The following PTPRD variants were observed in gnomAD, a reference collection of about 807,000 sequenced individuals.
PTPRD encodes the protein protein tyrosine phosphatase receptor type D, also known as receptor-type tyrosine-protein phosphatase delta.
A neutral mutation model predicts 214.5 loss-of-function variants in PTPRD; 34 were observed. That is an observed-to-expected ratio of 0.16 (90% CI 0.12 to 0.21). PTPRD has a LOEUF of 0.21. Among genes scored for constraint, PTPRD ranks in the 10% least tolerant of loss-of-function variants. The probability of loss-of-function intolerance (pLI) is 1.00; values close to 1 mark genes in which losing one functional copy is unlikely to be tolerated. For missense variants in PTPRD, 2,545 were observed against 2,398.7 expected (o/e 1.06, Z -1.27); for synonymous variants, 1,128 against 845.7 (o/e 1.33, Z -5.79).
At chr9:10,002,553 A>C (rs528426355) in intron 4 of PTPRD, among the ~76,000 whole-genome samples, 13 of 151,456 alleles carry the variant, frequency 8.6e-5, no homozygotes, top group African/African-American at 3.1e-4. Flanking sequence ...ACTATCAGAC[A>C]AAATAGACTT....
At chr9:9,523,617 G>C (rs2097047612) in intron 8 of PTPRD, among the ~76,000 whole-genome samples, 1 of 151,900 alleles carries the variant, frequency 6.6e-6, no homozygotes, top group Non-Finnish European at 1.5e-5. Context: ...CCTTGTTAAA[G>C]TCCTTGACTT....
At chr9:9,284,027 A>C (rs1252360253) in intron 9 of PTPRD, among the ~76,000 whole-genome samples, 2 of 151,714 alleles carry the variant, frequency 1.3e-5, no homozygotes, top group Non-Finnish European at 3.0e-5. Context: ...GTCCTAGTAG[A>C]TTCCTTGGTA....
intron 39 of PTPRD, among the ~76,000 whole-genome samples, chr9:8,371,823 G>A (rs1450304838): frequency 6.6e-6 from 1 of 152,046 alleles, no homozygotes; most frequent in Non-Finnish European, 1.5e-5. Flanking sequence ...TGAAATTCTA[G>A]ACCAGATAAA....
chr9:9,437,998 G>A lies in PTPRD; in HGVS notation c.-236-40516C>T, dbSNP rs1459340638. On this transcript the variant is annotated intron_variant, in intron 8 of 45. Transcript: ENST00000381196. ...TGGTTCCTTGCGAGGCCTGTGAAGA[G>A]AGGGTCTGTTCTAGGCCTTTCTCCT... is the stretch of plus-strand genomic sequence containing the variant. 7.9e-5 allele frequency among the ~76,000 whole-genome samples: 12 copies of A among 152,316 alleles called. No homozygotes were observed. The East Asian group carries it at 2.3e-3, about 29-fold the overall frequency.
chr9:8,354,982 G>A (rs2076599769), intron 39 of PTPRD, among the ~76,000 whole-genome samples: 1 of 152,084 alleles, frequency 6.6e-6, no homozygotes, highest in African/African-American at 2.4e-5. Context: ...GCCAAAATAG[G>A]TCTTTGTGAA....
intron 9 of PTPRD, among the ~76,000 whole-genome samples, chr9:9,333,526 A>ATATATATATATATATATAT (rs1569567452): frequency 3.5e-5 from 5 of 142,646 alleles, no homozygotes; most frequent in African/African-American, 1.4e-4. Flanking sequence ...ATATATATAT[A>ATATATATATATATATATAT]AAGTCTGCAA....
chr9:9,417,891 G>A (rs941229221), intron 8 of PTPRD, among the ~76,000 whole-genome samples: 2 of 151,914 alleles, frequency 1.3e-5, no homozygotes, highest in African/African-American at 2.4e-5. Context: ...ATTTCATACT[G>A]GAAAAGGCAA....
intron 3 of PTPRD, among the ~76,000 whole-genome samples, chr9:10,180,897 G>C (rs1027736180): frequency 6.6e-6 from 1 of 151,600 alleles, no homozygotes. Context: ...TCAGAAAATT[G>C]GATTAGAATT....
chr9:9,731,228 T>C lies in PTPRD; in HGVS notation c.-287+3305A>G, dbSNP rs57363324. Reference sequence around the variant, plus strand: ...ATATCATAATTTAATGGAGTATTTTTAATGTATTTAATTTGGAATCTAAGT... The same window carrying C: ...ATATCATAATTTAATGGAGTATTTTCAATGTATTTAATTTGGAATCTAAGT... On this transcript the variant is annotated intron_variant, in intron 7 of 45. Coordinates refer to ENST00000381196, the MANE Select transcript of PTPRD (RefSeq NM_002839.4). Among the ~76,000 whole-genome samples the C allele has an allele frequency of 9.3e-3, 1,421 of 152,292 alleles. 21 individuals are homozygous for C. The highest frequency in any genetic ancestry group is 0.031 in the African/African-American group (1,303 of 41,570).
At position 8,315,605 on chromosome 9, in the gene PTPRD, T is replaced by A. The variant is rs1162268246; in HGVS notation, c.*2269A>T. ...TAGGTTAGAGAGTCTCATTCTGAGG[T>A]AGCCTTCTAGATACTTTTTTTTAGT... is the stretch of plus-strand genomic sequence containing the variant. On this transcript the variant is annotated 3_prime_UTR_variant, in exon 46 of 46. Transcript: ENST00000381196. The A allele has an allele frequency of 8.7e-6, 2 of 229,972 alleles. No homozygotes were observed. The highest frequency in any genetic ancestry group is 2.2e-5 in the African/African-American group (1 of 45,142). 14.2% of individuals were successfully genotyped at this position (229,972 alleles called of 1,614,324 possible).
chr9:10,420,465 G>T (rs1489519540), intron 2 of PTPRD, among the ~76,000 whole-genome samples: 1 of 151,826 alleles, frequency 6.6e-6, no homozygotes, highest in Non-Finnish European at 1.5e-5. Flanking sequence ...CCAAGGTTGA[G>T]AGTGCTTGAA....
intron 10 of PTPRD, among the ~76,000 whole-genome samples, chr9:9,068,768 T>C (rs909855951): frequency 3.4e-4 from 52 of 152,132 alleles, no homozygotes; most frequent in Admixed American, 2.0e-3. Flanking sequence ...CGTGTCACCA[T>C]ACCTAGCTAA....
intron 23 of PTPRD, among the ~76,000 whole-genome samples, chr9:8,502,720 C>T (rs1355248000): frequency 6.6e-6 from 1 of 151,910 alleles, no homozygotes; most frequent in African/African-American, 2.4e-5. Context: ...TTCACTAGGG[C>T]TATCTTCAGA....
rs1024883256 is a variant in PTPRD, at chr9:9,839,587, T to C, written c.-367-72736A>G. Among the ~76,000 whole-genome samples the C allele has an allele frequency of 5.3e-5, 8 of 152,136 alleles. No individual in the cohort carries two copies. The South Asian group carries it at 6.2e-4, about 12-fold the overall frequency. On this transcript the variant is annotated intron_variant, in intron 5 of 45. Transcript: ENST00000381196. ...CAAATGGAAGAACATTCCATGTTCATGGGTAGGAAGAATCAATATCGTGAA... is the reference window on the plus strand; with the variant it reads ...CAAATGGAAGAACATTCCATGTTCACGGGTAGGAAGAATCAATATCGTGAA...
chr9:10,517,564 T>C (rs1277199689), intron 2 of PTPRD, among the ~76,000 whole-genome samples: 1 of 152,064 alleles, frequency 6.6e-6, no homozygotes, highest in Admixed American at 6.6e-5. Flanking sequence ...GAACAAACTA[T>C]TTTGTCCAAT....
chr9:8,926,463 G>A (rs746576018), intron 11 of PTPRD, among the ~76,000 whole-genome samples: 4 of 152,050 alleles, frequency 2.6e-5, no homozygotes, highest in Admixed American at 2.0e-4. Flanking sequence ...TATGGTAAGC[G>A]TCTGTCCACT....
At chr9:9,164,875 CAA>C (rs2099898976) in intron 10 of PTPRD, among the ~76,000 whole-genome samples, 1 of 149,578 alleles carries the variant, frequency 6.7e-6, no homozygotes, top group Non-Finnish European at 1.5e-5. Flanking sequence ...CAAAACAAAA[CAA>C]AACAAAACAA....
chr9:10,270,898 A>C (rs548273391), intron 3 of PTPRD, among the ~76,000 whole-genome samples: 5 of 152,172 alleles, frequency 3.3e-5, no homozygotes, highest in South Asian at 4.1e-4. Context: ...TGGTGCAATC[A>C]TAGCTCACTG....
intron 43 of PTPRD, among the ~76,000 whole-genome samples, chr9:8,337,698 T>C (rs939144583): frequency 1.3e-4 from 19 of 151,880 alleles, no homozygotes; most frequent in African/African-American, 4.6e-4. Flanking sequence ...GTTTCAATCT[T>C]CTTTTGTTTA....
Sources: allele counts gnomAD v4.1 joint callset (sites outside exome capture counted in the v4.1 genomes callset), GRCh38; gene constraint gnomAD v4.1.1; transcripts MANE v1.5; gene names NCBI Gene and HGNC (gene_info 2026-07-23, HGNC 2026-07-21).